ADAM33: variants seen among roughly 807,000 people sequenced by gnomAD.
The protein encoded by ADAM33 is ADAM metallopeptidase domain 33.
A neutral mutation model predicts 106.2 loss-of-function variants in ADAM33; 103 were observed. That is an observed-to-expected ratio of 0.97 (90% CI 0.83 to 1.14). The LOEUF (loss-of-function observed/expected upper bound fraction) is 1.14, where lower values mean the gene tolerates loss of function less well. ADAM33 is among the 50% of genes most tolerant of loss of function. The pLI is 0.00. For missense variants in ADAM33, 1,120 were observed against 1,096.6 expected (o/e 1.02, Z -0.30); for synonymous variants, 483 against 453.0 (o/e 1.07, Z -0.84).
Position 3,674,229 on chromosome 20 carries a change from T to C in ADAM33, c.656A>G (p.Asp219Gly), listed in dbSNP as rs1351880201. 1.2e-6 allele frequency: 2 copies of C among 1,614,022 alleles called. No homozygotes were observed. The highest frequency in any genetic ancestry group is 2.2e-5 in the East Asian group (1 of 44,868). ...RKYLELYIVADHTLFLTRHRN... is the reference protein window; with the variant it reads ...RKYLELYIVAGHTLFLTRHRN... ...GGGGTCTCTCCTCACCAGGGTGTGG[T>C]CTGCCACAATGTACAGTTCCAGGTA... The change falls in exon 7 of 22, where the codon GAC (aspartate) becomes GGC (glycine). Residue 219 changes from aspartate to glycine, a missense_variant. Physicochemically the swap from Asp to Gly is moderately conservative, Grantham distance 94. Transcript: ENST00000356518.
intron 1 of ADAM33, among the ~76,000 whole-genome samples, chr20:3,680,461 C>T (rs2088390142): frequency 1.3e-5 from 2 of 152,212 alleles, no homozygotes; most frequent in Non-Finnish European, 2.9e-5. Flanking sequence ...TAGGCCACCC[C>T]AACTCCTTTT....
At chr20:3,673,319 C>T (rs1396893271) in intron 11 of ADAM33, 35 bp downstream of exon 11, 2 of 1,535,328 alleles carry the variant, frequency 1.3e-6, no homozygotes, top group Non-Finnish European at 1.7e-6. Flanking sequence ...CAGGACTAGC[C>T]GCCCCGCCGC....
chr20:3,672,712 C>G lies in ADAM33; in HGVS notation c.1311+9G>C. ...GAGGGCAAGTGGGGGCCGGGCGAGC[C>G]GACTTAACCTGGCCAGGGCCGCAGT... On this transcript the variant is annotated intron_variant, in intron 12 of 21. Coordinates refer to ENST00000356518, the MANE Select transcript of ADAM33 (RefSeq NM_025220.5). 18 of 1,583,724 alleles carry G rather than the reference C, an allele frequency of 1.1e-5. No individual in the cohort carries two copies. The highest frequency in any genetic ancestry group is 1.5e-5 in the Non-Finnish European group (18 of 1,163,114).
chr20:3,670,736 G>A, intron 19 of ADAM33: 1 of 442,510 alleles, frequency 2.3e-6, no homozygotes, highest in Non-Finnish European at 4.0e-6. Flanking sequence ...CAGCTGGTGG[G>A]AGAAGCAGGA....
intron 1 of ADAM33, among the ~76,000 whole-genome samples, chr20:3,681,564 TG>T (rs762401018): frequency 2.0e-4 from 30 of 150,542 alleles, no homozygotes; most frequent in Non-Finnish European, 2.7e-4. Context: ...GGATGGAAGC[TG>T]GTTGTGAGAG....
intron 4 of ADAM33, 69 bp from the exon 5 acceptor site, chr20:3,674,918 G>A: frequency 6.2e-7 from 1 of 1,608,098 alleles, no homozygotes; most frequent in African/African-American, 1.3e-5. Context: ...GGGAGGGTGT[G>A]GTAGGGGCTG....
rs1210934996 is a variant in ADAM33 at position 3,681,947 on chromosome 20, G to A, written c.58C>T (p.Leu20=). 1 of 1,569,042 alleles carries A rather than the reference G, an allele frequency of 6.4e-7. No individual in the cohort carries two copies. The highest frequency in any genetic ancestry group is 1.9e-5 in the Admixed American group (1 of 53,690). Residue 20 remains leucine (L), a synonymous_variant, in exon 1 of 22, where the codon CTG becomes TTG. Transcript: ENST00000356518. The part of the protein sequence containing the change: ...GTPLLLLLLL[L]LLWPVPGAGV... ...GCGCCTGGCACTGGCCAGAGCAGCA[G>A]CAGTAGTAGCAGCAGCAGCAACGGG...
At chr20:3,673,076 A>T in intron 11 of ADAM33, 178 bp from the exon 12 acceptor site, 1 of 1,445,316 alleles carries the variant, frequency 6.9e-7, no homozygotes, top group East Asian at 2.5e-5. Context: ...CCCAATAGTG[A>T]GCAGCCCGGG....
rs564620543 is a variant in ADAM33 at position 3,674,866 on chromosome 20, C to T, written c.334-17G>A. The T allele has an allele frequency of 6.2e-7, 1 of 1,608,944 alleles. No individual in the cohort carries two copies. Among genetic ancestry groups the T allele is most frequent in the South Asian group, 1.1e-5 (1 of 90,462 alleles). On this transcript the variant is annotated splice_polypyrimidine_tract_variant and intron_variant, in intron 4 of 21. Coordinates refer to ENST00000356518, the MANE Select transcript of ADAM33 (RefSeq NM_025220.5). ...GCAATGATCCTAGGGAGGAAGGGGC[C>T]AGCCCCAAATCTCAGCCAGGGCTGG...
intron 1 of ADAM33, among the ~76,000 whole-genome samples, chr20:3,679,926 G>A (rs2088329465): frequency 6.6e-6 from 1 of 152,202 alleles, no homozygotes; most frequent in Non-Finnish European, 1.5e-5. Context: ...CAGCCTTAGG[G>A]ATTTTTAGAT....
At position 3,674,059 on chromosome 20, in the gene ADAM33, CCA is replaced by C; in HGVS notation, c.738+3_738+4del. ...CATCACCGCTCTCTCCCCGCCGCCC[CCA>C]ACCTGGTCCACGTAGTTGGCGACTT... is the stretch of plus-strand genomic sequence containing the variant. On this transcript the variant is annotated splice_donor_region_variant and intron_variant, in intron 8 of 21. Coordinates refer to ENST00000356518, the MANE Select transcript of ADAM33 (RefSeq NM_025220.5). 1 of 1,614,144 alleles carries C rather than the reference CCA, an allele frequency of 6.2e-7. No homozygotes were observed. Among genetic ancestry groups the C allele is most frequent in the Non-Finnish European group, 8.5e-7 (1 of 1,180,016 alleles).
rs949937807 is a variant in ADAM33 at position 3,672,345 on chromosome 20, G to A, written c.1402-16C>T. ...CCGGCTTCAGCTGCGCAGGTGACGG[G>A]TGGTGGGGAAGGCAGAGAGAGGCCA... On this transcript the variant is annotated splice_polypyrimidine_tract_variant and intron_variant, in intron 13 of 21. Transcript: ENST00000356518. 3 of 1,610,546 alleles carry A rather than the reference G, an allele frequency of 1.9e-6. No homozygotes were observed. Among genetic ancestry groups the A allele is most frequent in the Non-Finnish European group, 1.7e-6 (2 of 1,178,380 alleles).
At chr20:3,676,045 C>G in intron 3 of ADAM33, among the ~76,000 whole-genome samples, 1 of 152,284 alleles carries the variant, frequency 6.6e-6, no homozygotes, top group East Asian at 1.9e-4. Flanking sequence ...TCCGACTCCA[C>G]GAGGGAGAAT....
chr20:3,674,902 G>T (rs1342823029), intron 4 of ADAM33, 53 bp from the exon 5 acceptor site: 20 of 1,608,094 alleles, frequency 1.2e-5, no homozygotes, highest in Non-Finnish European at 1.6e-5. Context: ...AGCAAGAGGG[G>T]CAAGAGGGAG....
intron 19 of ADAM33, chr20:3,669,858 CCT>C (rs2146356360): frequency 3.1e-6 from 2 of 653,956 alleles, no homozygotes; most frequent in Admixed American, 4.3e-5. Context: ...GCTGGCACCT[CCT>C]CTCTCTAGTC....
rs546659440 is a variant in ADAM33, at chr20:3,681,107, A to G, written c.97+801T>C. On this transcript the variant is annotated intron_variant, in intron 1 of 21. Transcript: ENST00000356518. ...CACAGTGCTGTGGAAGCCACCGCCC[A>G]GTCTGCATAGCACAGCCCAGCCCCG... 1.4e-4 allele frequency among the ~76,000 whole-genome samples: 22 copies of G among 152,244 alleles called. No individual in the cohort carries two copies. In the East Asian group the frequency reaches 3.9e-3, roughly 27 times the overall value.
At chr20:3,674,374 G>A (rs2087796477) in intron 6 of ADAM33, 90 bp from the exon 7 acceptor site, 1 of 1,604,860 alleles carries the variant, frequency 6.2e-7, no homozygotes, top group Admixed American at 1.7e-5. Flanking sequence ...AGTTTAACAT[G>A]TTTTCTGGAA....
At position 3,673,787 on chromosome 20, in the gene ADAM33, C is replaced by T. The variant is rs1172646302; in HGVS notation, c.863G>A (p.Gly288Glu). Residue 288 changes from glycine to glutamate, a missense_variant, in exon 9 of 22, where the codon GGG becomes GAG. Coordinates refer to ENST00000356518, the MANE Select transcript of ADAM33 (RefSeq NM_025220.5). ...TLWAFLQWRRGLWAQRPHDSA... is the reference protein window; with the variant it reads ...TLWAFLQWRRELWAQRPHDSA... ...GTCGTGGGGCCGCTGCGCCCACAGC[C>T]CCCGGCGCCACTGCAGGAAGGCCCA... is the stretch of plus-strand genomic sequence containing the variant. 1.3e-6 allele frequency: 2 copies of T among 1,535,018 alleles called. No individual in the cohort carries two copies. Among genetic ancestry groups the T allele is most frequent in the East Asian group, 2.4e-5 (1 of 41,210 alleles).
At chr20:3,669,748 T>C (rs1192221533) in intron 19 of ADAM33, 111 bp from the exon 20 acceptor site, 3 of 998,474 alleles carry the variant, frequency 3.0e-6, no homozygotes, top group Non-Finnish European at 4.6e-6. Flanking sequence ...CTGAGTTTCT[T>C]GGGGCACCCA....
Sources: allele counts gnomAD v4.1 joint callset (sites outside exome capture counted in the v4.1 genomes callset), GRCh38; gene constraint gnomAD v4.1.1; transcripts MANE v1.5; gene names NCBI Gene and HGNC (gene_info 2026-07-23, HGNC 2026-07-21).